The following PTGER4 variants were observed in gnomAD, a reference collection of about 807,000 sequenced individuals.
The protein encoded by PTGER4 is prostaglandin E2 receptor EP4 subtype.
PTGER4 carries 11 observed loss-of-function variants against 33.2 expected under a neutral mutation model. The observed-to-expected ratio is 0.33, with a 90% CI of 0.21 to 0.55. PTGER4 has a LOEUF of 0.55. Ranked by LOEUF, PTGER4 falls within the 20% of genes least tolerant of loss-of-function variation. The pLI is 0.92. For synonymous variants in PTGER4, 275 were observed against 281.5 expected (o/e 0.98, Z 0.23); for missense variants, 481 against 650.2 (o/e 0.74, Z 2.83).
the PTGER4 span, chr5:40,715,595 C>T: frequency 2.0e-5 from 3 of 152,346 alleles, no homozygotes; most frequent in Non-Finnish European, 4.4e-5. Flanking sequence ...AGAATGTACA[C>T]ATTTGTGTGC....
chr5:40,696,914 G>A (rs1210179298), downstream of PTGER4, among the ~76,000 whole-genome samples: 1 of 151,334 alleles, frequency 6.6e-6, no homozygotes, highest in Admixed American at 6.6e-5. Context: ...CAGGAGGGAA[G>A]TCTCTGTGAT....
chr5:40,716,177 G>A, the PTGER4 span: 1 of 1,611,170 alleles, frequency 6.2e-7, no homozygotes, highest in Non-Finnish European at 8.5e-7. Flanking sequence ...GAGCCATCTG[G>A]TGGTGTAGCA....
In PTGER4 at chr5:40,692,512, C is replaced by T. The variant is rs896585541; in HGVS notation, c.*134C>T. ...CAACTCACATTAGAGAACATCCTGGCTTTTGAGCACTTTTCAAACAATCAA... is the reference window on the plus strand; with the variant it reads ...CAACTCACATTAGAGAACATCCTGGTTTTTGAGCACTTTTCAAACAATCAA... On this transcript the variant is annotated 3_prime_UTR_variant, in exon 3 of 3. Coordinates refer to ENST00000302472, the MANE Select transcript of PTGER4 (RefSeq NM_000958.3). The T allele has an allele frequency of 8.9e-6, 13 of 1,461,274 alleles. No individual in the cohort carries two copies. The African/African-American group carries it at 1.7e-4, about 19-fold the overall frequency. The allele number at this position is 1,461,274 out of a possible 1,614,324, so 90.5% of individuals were successfully genotyped here.
chr5:40,746,698 A>G, the PTGER4 span: 1 of 915,258 alleles, frequency 1.1e-6, no homozygotes, highest in Non-Finnish European at 1.6e-6. Context: ...ATAGATTTTT[A>G]AACATGAATT....
chr5:40,687,323 G>T (rs978867782), intron 2 of PTGER4, among the ~76,000 whole-genome samples: 1 of 152,196 alleles, frequency 6.6e-6, no homozygotes, highest in Non-Finnish European at 1.5e-5. Flanking sequence ...GGGATTACAG[G>T]CATGAGCCAC....
chr5:40,688,341 C>T (rs1741380708), intron 2 of PTGER4, among the ~76,000 whole-genome samples: 1 of 152,130 alleles, frequency 6.6e-6, no homozygotes, highest in African/African-American at 2.4e-5. Context: ...CACCTGGAGG[C>T]TTGAAGGCTC....
rs142679716 is a variant in PTGER4, at chr5:40,685,906, T to C, written c.867+4046T>C. ...CCCTGACGTGATTCTTGTAGTCTCC[T>C]ATCAGAATATTCAATGTGAGAGCTT... On this transcript the variant is annotated intron_variant, in intron 2 of 2. Transcript: ENST00000302472. 6.7e-3 allele frequency among the ~76,000 whole-genome samples: 1,022 copies of C among 152,274 alleles called. 8 individuals carry two copies. The highest frequency in any genetic ancestry group is 0.022 in the African/African-American group (916 of 41,544).
intron 2 of PTGER4, among the ~76,000 whole-genome samples, chr5:40,687,009 G>A (rs553306123): frequency 2.0e-5 from 3 of 152,180 alleles, no homozygotes; most frequent in East Asian, 1.9e-4. Flanking sequence ...AAGGAGATAC[G>A]TTGTTTGTAT....
In PTGER4 at chr5:40,691,732, C is replaced by G; in HGVS notation, c.868-47C>G. ...GTAGACATAGCATTTATATGTTTTC[C>G]CAATTGATTAATGATGAAATCTAAA... On this transcript the variant is annotated intron_variant, in intron 2 of 2. Coordinates refer to ENST00000302472, the MANE Select transcript of PTGER4 (RefSeq NM_000958.3). This position sits in a 1 kb window ranked among gnomAD's most constrained non-coding sequence, Gnocchi z 4.2. The G allele has an allele frequency of 6.4e-7, 1 of 1,564,344 alleles. No homozygotes were observed. Among genetic ancestry groups the G allele is most frequent in the South Asian group, 1.2e-5 (1 of 81,858 alleles).
chr5:40,708,411 C>T, the PTGER4 span, among the ~76,000 whole-genome samples: 15 of 152,192 alleles, frequency 9.9e-5, no homozygotes, highest in African/African-American at 2.9e-4. Context: ...CACCTCTATG[C>T]AAATAAACTA....
downstream of PTGER4, among the ~76,000 whole-genome samples, chr5:40,698,209 T>G (rs969817778): frequency 6.6e-6 from 1 of 151,438 alleles, no homozygotes; most frequent in African/African-American, 2.4e-5. Flanking sequence ...AGCCATGAAT[T>G]TGAGGTTACA....
the PTGER4 span, among the ~76,000 whole-genome samples, chr5:40,704,376 T>A: frequency 6.6e-6 from 1 of 152,108 alleles, no homozygotes; most frequent in Non-Finnish European, 1.5e-5. Flanking sequence ...ACAGACAACA[T>A]TAGACCAAAT....
chr5:40,727,290 C>A, the PTGER4 span, among the ~76,000 whole-genome samples: 1 of 152,096 alleles, frequency 6.6e-6, no homozygotes. Context: ...TTTTTAAAAT[C>A]TTAATTTACT....
chr5:40,717,929 G>A, the PTGER4 span, among the ~76,000 whole-genome samples: 1 of 151,772 alleles, frequency 6.6e-6, no homozygotes, highest in African/African-American at 2.4e-5. Context: ...AGGTGTGGTG[G>A]TGCACGCCTG....
chr5:40,696,374 G>A (rs1293559739), downstream of PTGER4, among the ~76,000 whole-genome samples: 1 of 152,042 alleles, frequency 6.6e-6, no homozygotes, highest in African/African-American at 2.4e-5. Flanking sequence ...CCCTTCTCCC[G>A]TTACATCCAA....
Position 40,693,637 on chromosome 5 carries a change from G to C in PTGER4, c.*1259G>C, listed in dbSNP as rs1264259480. The C allele has an allele frequency of 1.0e-6, 1 of 984,838 alleles. No individual in the cohort carries two copies. Among genetic ancestry groups the C allele is most frequent in the Non-Finnish European group, 1.2e-6 (1 of 829,028 alleles). 61.0% of individuals were successfully genotyped at this position (984,838 alleles called of 1,614,324 possible). Reference sequence around the variant, plus strand: ...TGCTCAGTGTTTTTGTGAATTGCTTGGTTGTAATTAAATTCTGAGCCTGAT... The same window carrying C: ...TGCTCAGTGTTTTTGTGAATTGCTTCGTTGTAATTAAATTCTGAGCCTGAT... On this transcript the variant is annotated 3_prime_UTR_variant, in exon 3 of 3. Transcript: ENST00000302472.
chr5:40,708,486 A>T, the PTGER4 span, among the ~76,000 whole-genome samples: 1 of 152,244 alleles, frequency 6.6e-6, no homozygotes, highest in African/African-American at 2.4e-5. Context: ...AACCAGGAAG[A>T]AGTTGAATCT....
chr5:40,733,819 C>G, the PTGER4 span, among the ~76,000 whole-genome samples: 1 of 152,142 alleles, frequency 6.6e-6, no homozygotes, highest in Non-Finnish European at 1.5e-5. Flanking sequence ...ACGAAATAAA[C>G]TAAGAGGTTC....
At chr5:40,727,954 C>T in the PTGER4 span, among the ~76,000 whole-genome samples, 2 of 151,992 alleles carry the variant, frequency 1.3e-5, no homozygotes, top group South Asian at 2.1e-4. Context: ...ACTTGATAAA[C>T]GGCTATTCAC....
Sources: gnomAD v4.1 joint callset for allele counts (sites outside exome capture counted in the v4.1 genomes callset) on GRCh38, gnomAD v4.1.1 for gene constraint, Gnocchi (gnomAD v3.1) non-coding constraint, MANE v1.5 for transcripts, NCBI Gene and HGNC (gene_info 2026-07-23, HGNC 2026-07-21) for gene names.